The following UNC80 variants were observed in gnomAD, a reference collection of about 807,000 sequenced individuals.
The protein encoded by UNC80 is unc-80 subunit of NALCN channel complex.
In UNC80, 164 loss-of-function variants were observed where a neutral mutation model predicts 384.6. The ratio of observed to expected loss-of-function variants is 0.43; its 90% CI spans 0.38 to 0.49. UNC80 has a LOEUF of 0.49. Ranked by LOEUF, UNC80 falls within the 20% of genes least tolerant of loss-of-function variation. UNC80 has a pLI of 0.00. For missense variants in UNC80, 3,330 were observed against 4,143.0 expected, an observed-to-expected ratio of 0.80 and a Z score of 5.39; for synonymous variants, 1,486 against 1,527.8, an observed-to-expected ratio of 0.97 and a Z score of 0.64.
chr2:209,817,481 GA>G (rs200470102), intron 10 of UNC80, among the ~76,000 whole-genome samples: 1,571 of 150,264 alleles, frequency 0.01, 26 homozygotes, highest in African/African-American at 0.035. Flanking sequence ...CAAAGCAAAG[GA>G]AAAAAAATAT....
intron 18 of UNC80, among the ~76,000 whole-genome samples, chr2:209,838,341 A>G (rs1005376329): frequency 6.7e-6 from 1 of 148,416 alleles, no homozygotes; most frequent in African/African-American, 2.5e-5. Context: ...TCAGCTGCCT[A>G]TGTTTTTTAA....
intron 55 of UNC80, 69 bp from the exon 56 acceptor site, chr2:209,972,995 A>G: frequency 2.1e-6 from 3 of 1,423,424 alleles, no homozygotes; most frequent in South Asian, 1.3e-5. Flanking sequence ...GTTTTTCTGT[A>G]TCTACTGTGG....
chr2:209,963,670 G>A (rs2092663513), intron 51 of UNC80, among the ~76,000 whole-genome samples: 1 of 152,136 alleles, frequency 6.6e-6, no homozygotes, highest in Non-Finnish European at 1.5e-5. Context: ...AAATTCATGA[G>A]AAAGAGATAA....
intron 51 of UNC80, among the ~76,000 whole-genome samples, chr2:209,965,144 A>G (rs1467208375): frequency 3.3e-5 from 5 of 152,026 alleles, no homozygotes; most frequent in African/African-American, 1.2e-4. Flanking sequence ...GTAAAACAAG[A>G]GTCACTGTAG....
At chr2:209,919,512 T>A (rs2124950335) in intron 33 of UNC80, among the ~76,000 whole-genome samples, 1 of 152,352 alleles carries the variant, frequency 6.6e-6, no homozygotes, top group Admixed American at 6.5e-5. Flanking sequence ...CTAGTGTTAT[T>A]ATTTTAATTG....
chr2:209,901,251 G>T (rs188870814), intron 28 of UNC80, among the ~76,000 whole-genome samples: 1 of 152,252 alleles, frequency 6.6e-6, no homozygotes, highest in Admixed American at 6.5e-5. Context: ...TCTTGTTAGG[G>T]GTTAATGCAT....
intron 51 of UNC80, among the ~76,000 whole-genome samples, chr2:209,967,112 A>G (rs1175672908): frequency 1.3e-5 from 2 of 152,218 alleles, no homozygotes; most frequent in African/African-American, 4.8e-5. Flanking sequence ...ATGCCTGTAT[A>G]TATACACATG....
In UNC80 at chr2:209,877,738, C is replaced by T. The variant is rs139342281; in HGVS notation, c.3841-216C>T. Among the ~76,000 whole-genome samples the T allele has an allele frequency of 3.7e-3, 571 of 152,280 alleles. 3 individuals are homozygous for T. Among genetic ancestry groups the T allele is most frequent in the African/African-American group, 0.013 (535 of 41,544 alleles). ...TACAAAGGTGTCATTCCAGTTTTTACAAGTCTTTAGACTGAATGACCTTGG... is the reference window on the plus strand; with the variant it reads ...TACAAAGGTGTCATTCCAGTTTTTATAAGTCTTTAGACTGAATGACCTTGG... On this transcript the variant is annotated intron_variant, in intron 23 of 64. Transcript: ENST00000673920.
At chr2:209,777,164 GA>G in intron 3 of UNC80, 93 bp from the exon 4 acceptor site, 1 of 1,367,068 alleles carries the variant, frequency 7.3e-7, no homozygotes, top group Non-Finnish European at 9.9e-7. Context: ...GAAGTATAGA[GA>G]AAGGAGGGAT....
chr2:209,992,298 T>G, intron 62 of UNC80, 51 bp downstream of exon 62: 460 of 1,489,728 alleles, frequency 3.1e-4, no homozygotes, highest in Non-Finnish European at 3.8e-4. Flanking sequence ...TTGGAAGCTC[T>G]GTGTGATTTT....
chr2:209,839,080 T>G lies in UNC80; in HGVS notation c.3042-142T>G, dbSNP rs570983945. The G allele has an allele frequency of 1.4e-6, 1 of 711,686 alleles. No individual in the cohort carries two copies. Among genetic ancestry groups the G allele is most frequent in the Non-Finnish European group, 2.3e-6 (1 of 432,436 alleles). 44.1% of individuals were successfully genotyped at this position (711,686 alleles called of 1,614,324 possible). A position where few individuals can be genotyped will look rare whatever the true frequency, so the allele number is the denominator to read the frequency against. ...CTTGATCTCTTTCCTCCCACTTCAA[T>G]GCCCACTCTTCCCACATTTCAGCCC... On this transcript the variant is annotated intron_variant, in intron 18 of 64. Coordinates refer to ENST00000673920, the MANE Select transcript of UNC80 (RefSeq NM_001371986.1). The surrounding 1 kb of genome is among the most constrained non-coding windows in gnomAD (Gnocchi z 4.1).
intron 7 of UNC80, among the ~76,000 whole-genome samples, chr2:209,804,808 C>T (rs984428564): frequency 2.7e-5 from 4 of 150,292 alleles, no homozygotes; most frequent in Non-Finnish European, 5.9e-5. Flanking sequence ...CTCTGTCACC[C>T]AGGCTGGAGT....
intron 42 of UNC80, 146 bp from the exon 43 acceptor site, chr2:209,939,326 C>A: frequency 1.3e-6 from 1 of 759,522 alleles, no homozygotes; most frequent in Non-Finnish European, 2.0e-6. Context: ...AGGATAAAAA[C>A]ACATGTCTCC....
chr2:209,829,182 T>C, intron 14 of UNC80, 50 bp from the exon 15 acceptor site: 1 of 1,545,048 alleles, frequency 6.5e-7, no homozygotes, highest in Non-Finnish European at 8.7e-7. Context: ...CCAGTATCCA[T>C]AGCTTAAGCT....
intron 24 of UNC80, 62 bp from the exon 25 acceptor site, chr2:209,880,899 C>G: frequency 1.3e-5 from 19 of 1,482,752 alleles, no homozygotes; most frequent in Non-Finnish European, 1.7e-5. Context: ...GTCCATCAAA[C>G]TATGCATTTC....
intron 13 of UNC80, among the ~76,000 whole-genome samples, chr2:209,821,887 C>T (rs552689571): frequency 5.6e-4 from 86 of 152,240 alleles, no homozygotes; most frequent in African/African-American, 2.0e-3. Flanking sequence ...TGAAGTTATA[C>T]TGTGTAGAGT....
chr2:209,977,507 A>T (rs1046887447), intron 58 of UNC80, among the ~76,000 whole-genome samples: 4 of 152,246 alleles, frequency 2.6e-5, no homozygotes, highest in Non-Finnish European at 5.9e-5. Context: ...CAAGGTATAT[A>T]ATTGAAAGTC....
Position 209,973,196 on chromosome 2 carries a change from C to T in UNC80, c.8513C>T (p.Ser2838Phe), listed in dbSNP as rs918900619. ...FMLESSPAHC[S>F]TPGDAGKDLR... ...TTAGAGAGCTCCCCAGCCCACTGCTCCACCCCTGGGGATGCGGGGAAAGAC... is the reference window on the plus strand; with the variant it reads ...TTAGAGAGCTCCCCAGCCCACTGCTTCACCCCTGGGGATGCGGGGAAAGAC... Residue 2838 changes from serine (S) to phenylalanine (F), a missense_variant, in exon 56 of 65, where the codon TCC becomes TTC. Transcript: ENST00000673920. 6.4e-7 allele frequency: 1 copy of T among 1,551,676 alleles called. No homozygotes were observed. Among genetic ancestry groups the T allele is most frequent in the Non-Finnish European group, 8.7e-7 (1 of 1,146,990 alleles).
chr2:209,887,871 C>A (rs2085972077), intron 25 of UNC80, among the ~76,000 whole-genome samples: 1 of 152,050 alleles, frequency 6.6e-6, no homozygotes, highest in Non-Finnish European at 1.5e-5. Context: ...GAAGGTAAAG[C>A]ATGTGAGGAA....
Sources: gnomAD v4.1 joint callset for allele counts (sites outside exome capture counted in the v4.1 genomes callset) on GRCh38, gnomAD v4.1.1 for gene constraint, Gnocchi (gnomAD v3.1) non-coding constraint, MANE v1.5 for transcripts, NCBI Gene and HGNC (gene_info 2026-07-23, HGNC 2026-07-21) for gene names.